The following CD200 variants were observed in gnomAD, a reference collection of about 807,000 sequenced individuals.
CD200 encodes CD200 molecule.
In CD200, 15 loss-of-function variants were observed where a neutral mutation model predicts 30.9. That is an observed-to-expected ratio of 0.49 (90% CI 0.32 to 0.75). CD200 has a LOEUF of 0.75. Ranked by LOEUF, CD200 falls within the 30% of genes least tolerant of loss-of-function variation. The probability of loss-of-function intolerance (pLI) is 0.03; values close to 1 mark genes in which losing one functional copy is unlikely to be tolerated. For missense variants in CD200, 262 were observed against 324.2 expected (o/e 0.81, Z 1.47); for synonymous variants, 134 against 126.2 (o/e 1.06, Z -0.41).
chr3:112,338,149 G>A (rs1322747677), intron 1 of CD200, among the ~76,000 whole-genome samples: 1 of 152,136 alleles, frequency 6.6e-6, no homozygotes, highest in African/African-American at 2.4e-5. Context: ...AAAACACCTA[G>A]TGTTATGAGC....
chr3:112,342,326 T>C (rs1219487782), intron 2 of CD200, among the ~76,000 whole-genome samples: 12,032 of 31,500 alleles, frequency 0.38, 2,433 homozygotes, highest in Middle Eastern at 0.45. Flanking sequence ...TCTTTCTTTC[T>C]TTCTTTCTTT....
At chr3:112,342,011 T>A (rs1002350548) in intron 2 of CD200, among the ~76,000 whole-genome samples, 1 of 152,102 alleles carries the variant, frequency 6.6e-6, no homozygotes, top group Admixed American at 6.5e-5. Context: ...TGTGGGGGAG[T>A]TGCTTGTTTA....
chr3:112,359,309 G>A (rs2081692654), intron 5 of CD200, among the ~76,000 whole-genome samples: 1 of 152,126 alleles, frequency 6.6e-6, no homozygotes, highest in Non-Finnish European at 1.5e-5. Flanking sequence ...AGGAAACCAT[G>A]CTATCATTTA....
In CD200 at chr3:112,343,881, C is replaced by T. The variant is rs200457720; in HGVS notation, c.95-1081C>T. Among the ~76,000 whole-genome samples the T allele has an allele frequency of 4.6e-5, 7 of 151,950 alleles. No homozygotes were observed. In the East Asian group the frequency reaches 1.4e-3, roughly 29 times the overall value. The stretch of plus-strand genomic sequence containing the variant: ...CTTTTTTTTCTCTCCTTTTAGAAGT[C>T]TTACTGAACTGATTTTGGAACATTT... On this transcript the variant is annotated intron_variant, in intron 2 of 5. Transcript: ENST00000315711.
At chr3:112,339,597 A>T (rs1244015308) in intron 1 of CD200, among the ~76,000 whole-genome samples, 1 of 152,226 alleles carries the variant, frequency 6.6e-6, no homozygotes, top group Non-Finnish European at 1.5e-5. Context: ...AGAAAAAAAT[A>T]ATACCTGTGT....
At chr3:112,347,526 T>G in intron 3 of CD200, 32 bp from the exon 4 acceptor site, 2 of 1,609,190 alleles carry the variant, frequency 1.2e-6, no homozygotes, top group South Asian at 2.2e-5. Flanking sequence ...GGTGCTTAAC[T>G]GATAACAGAT....
At position 112,345,140 on chromosome 3, in the gene CD200, G is replaced by C; in HGVS notation, c.273G>C (p.Lys91Asn). 6.2e-7 allele frequency: 1 copy of C among 1,614,050 alleles called. No individual in the cohort carries two copies. Among genetic ancestry groups the C allele is most frequent in the Non-Finnish European group, 8.5e-7 (1 of 1,179,984 alleles). Residue 91 changes from lysine to asparagine, a missense_variant, in exon 3 of 6, where the codon AAG becomes AAC. Lys to Asn is a moderately conservative substitution (Grantham distance 94). Transcript: ENST00000315711. ...GGGTGGTGATCCAGCCTGCCTATAA[G>C]GACAAGATAAACATTACCCAGCTGG... The part of the protein sequence containing the change: ...NHGVVIQPAY[K>N]DKINITQLGL...
At chr3:112,349,558 A>C (rs1438509129) in intron 4 of CD200, among the ~76,000 whole-genome samples, 154 bp from the exon 5 acceptor site, 1 of 152,218 alleles carries the variant, frequency 6.6e-6, no homozygotes, top group Non-Finnish European at 1.5e-5. Context: ...GCTATTACTA[A>C]TATCTAAATA....
intron 3 of CD200, among the ~76,000 whole-genome samples, chr3:112,346,261 C>T (rs1273223166): frequency 1.3e-5 from 2 of 151,680 alleles, no homozygotes; most frequent in African/African-American, 4.8e-5. Flanking sequence ...TTTCCTCCCT[C>T]TCTGCCTTCC....
intron 1 of CD200, chr3:112,333,495 G>T: frequency 1.0e-6 from 1 of 985,438 alleles, no homozygotes; most frequent in Non-Finnish European, 1.2e-6. Flanking sequence ...GCACCAGGCC[G>T]GGGCTCCGGG....
intron 5 of CD200, among the ~76,000 whole-genome samples, chr3:112,356,004 C>T (rs2081617636): frequency 6.6e-6 from 1 of 152,094 alleles, no homozygotes; most frequent in Non-Finnish European, 1.5e-5. Context: ...TACAAACATG[C>T]AAGACATGTT....
chr3:112,359,679 T>C (rs1216890070), intron 5 of CD200, among the ~76,000 whole-genome samples: 1 of 152,198 alleles, frequency 6.6e-6, no homozygotes, highest in Non-Finnish European at 1.5e-5. Context: ...GCATTGTAAT[T>C]AGCACTGGTT....
chr3:112,341,178 T>C (rs750080318), intron 2 of CD200, among the ~76,000 whole-genome samples, 195 bp downstream of exon 2: 1 of 152,242 alleles, frequency 6.6e-6, no homozygotes, highest in Non-Finnish European at 1.5e-5. Context: ...AAGCACACTT[T>C]GATATTTAGA....
intron 1 of CD200, chr3:112,333,753 G>T: frequency 1.0e-6 from 1 of 985,438 alleles, no homozygotes; most frequent in Non-Finnish European, 1.2e-6. Flanking sequence ...CTCCCTCCTA[G>T]CCCTTGCCTG....
intron 5 of CD200, among the ~76,000 whole-genome samples, chr3:112,352,164 A>G (rs771707579): frequency 3.9e-5 from 6 of 152,222 alleles, no homozygotes; most frequent in Non-Finnish European, 5.9e-5. Flanking sequence ...CCAAGAGTCA[A>G]TTATGCTGAA....
intron 5 of CD200, among the ~76,000 whole-genome samples, chr3:112,353,817 A>G (rs1576621494): frequency 6.6e-6 from 1 of 152,216 alleles, no homozygotes; most frequent in Admixed American, 6.5e-5. Flanking sequence ...TTGCTCAAAA[A>G]GTACTTATGC....
intron 2 of CD200, among the ~76,000 whole-genome samples, chr3:112,343,527 C>T (rs1022616349): frequency 1.3e-5 from 2 of 152,126 alleles, no homozygotes; most frequent in South Asian, 2.1e-4. Context: ...TGATCTTGAA[C>T]TCCTGGCCTC....
chr3:112,342,317 C>T (rs199595894), intron 2 of CD200, among the ~76,000 whole-genome samples: 2 of 41,840 alleles, frequency 4.8e-5, no homozygotes, highest in East Asian at 5.7e-4. Flanking sequence ...TTTCTTCTTT[C>T]TTTCTTTCTT....
In CD200 at chr3:112,361,418, T is replaced by A. The variant is rs1019073560; in HGVS notation, c.803-125T>A. The A allele has an allele frequency of 1.5e-5, 12 of 813,272 alleles. No homozygotes were observed. In the East Asian group the frequency reaches 3.1e-4, roughly 21 times the overall value. The allele number at this position is 813,272 out of a possible 1,614,324, so 50.4% of individuals were successfully genotyped here. On this transcript the variant is annotated intron_variant, in intron 5 of 5. Coordinates refer to ENST00000315711, the MANE Select transcript of CD200 (RefSeq NM_005944.7). ...TCAGAAATGTCTACTTCTTTATCTT[T>A]GCCAATGAATATACACTAGAATAAC...
Sources: allele counts gnomAD v4.1 joint callset (sites outside exome capture counted in the v4.1 genomes callset), GRCh38; gene constraint gnomAD v4.1.1; transcripts MANE v1.5; gene names NCBI Gene and HGNC (gene_info 2026-07-23, HGNC 2026-07-21).